The following NR4A1 variants were observed in gnomAD, a reference collection of about 807,000 sequenced individuals.
NR4A1 encodes nuclear receptor subfamily 4immunitygroup A member 1.
NR4A1 carries 24 observed loss-of-function variants against 47.5 expected under a neutral mutation model. The observed-to-expected ratio is 0.50, with a 90% CI of 0.37 to 0.71. The LOEUF is 0.71. Ranked by LOEUF, NR4A1 falls within the 30% of genes least tolerant of loss-of-function variation. The pLI is 0.00. For missense variants in NR4A1, 669 were observed against 788.6 expected (o/e 0.85, Z 1.82); for synonymous variants, 353 against 345.7 (o/e 1.02, Z -0.24).
At chr12:52,025,827 C>T (rs1937989114) in intron 1 of NR4A1, among the ~76,000 whole-genome samples, 1 of 152,182 alleles carries the variant, frequency 6.6e-6, no homozygotes, top group African/African-American at 2.4e-5. Context: ...CCTCCTGTTA[C>T]CAGCAGAGGG....
At chr12:52,058,013 G>A (rs538973728) in intron 6 of NR4A1, among the ~76,000 whole-genome samples, 1 of 152,068 alleles carries the variant, frequency 6.6e-6, no homozygotes, top group East Asian at 1.9e-4. Flanking sequence ...AAATAAGATG[G>A]GAATCTCACT....
upstream of NR4A1, among the ~76,000 whole-genome samples, chr12:52,049,227 C>T (rs1019598705): frequency 6.6e-6 from 1 of 152,166 alleles, no homozygotes; most frequent in African/African-American, 2.4e-5. Flanking sequence ...TACTAAAAGT[C>T]GGCCCTCTGT....
chr12:52,056,335 G>T, intron 3 of NR4A1, 159 bp from the exon 4 acceptor site: 1 of 1,355,482 alleles, frequency 7.4e-7, no homozygotes, highest in Non-Finnish European at 1.0e-6. Context: ...GATTGTGAGG[G>T]TGGTGGCAGG....
chr12:52,052,594 C>G, intron 1 of NR4A1: 1 of 985,756 alleles, frequency 1.0e-6, no homozygotes. Context: ...CTCCTTCAAC[C>G]CCGCCTCTTC....
At chr12:52,057,029 T>C in intron 4 of NR4A1, 28 bp from the exon 5 acceptor site, 3 of 1,558,896 alleles carry the variant, frequency 1.9e-6, no homozygotes, top group Non-Finnish European at 2.6e-6. Flanking sequence ...CTGCCTGGGG[T>C]GCTGACCCCA....
At chr12:52,026,450 T>G (rs1209449181) in intron 1 of NR4A1, among the ~76,000 whole-genome samples, 1 of 152,170 alleles carries the variant, frequency 6.6e-6, no homozygotes, top group African/African-American at 2.4e-5. Flanking sequence ...AGCCAACACT[T>G]ACATGGTGCT....
chr12:52,034,024 C>A (rs992214658), intron 1 of NR4A1, among the ~76,000 whole-genome samples: 6 of 152,186 alleles, frequency 3.9e-5, no homozygotes, highest in Non-Finnish European at 1.5e-5. Flanking sequence ...TGGAAGGGCA[C>A]CTGGGGAGGG....
chr12:52,030,387 G>A (rs772914290), intron 1 of NR4A1, among the ~76,000 whole-genome samples: 1 of 152,158 alleles, frequency 6.6e-6, no homozygotes. Flanking sequence ...CTTCTCAGCT[G>A]TGTGACACTG....
intron 2 of NR4A1, 170 bp from the exon 3 acceptor site, chr12:52,055,860 C>CA (rs371908714): frequency 0.031 from 13,997 of 449,588 alleles, 401 homozygotes; most frequent in African/African-American, 0.042. Context: ...TCTCTCCCCC[C>CA]GCCCAACCCC....
At chr12:52,026,276 G>A (rs998536672) in intron 1 of NR4A1, among the ~76,000 whole-genome samples, 9 of 152,208 alleles carry the variant, frequency 5.9e-5, no homozygotes, top group African/African-American at 1.4e-4. Context: ...GACAACAAAC[G>A]AGGGGAGAAG....
At chr12:52,051,347 T>C, upstream of NR4A1, 2 of 981,018 alleles carry the variant, frequency 2.0e-6, no homozygotes, top group Non-Finnish European at 2.4e-6. Context: ...CGCCCTTGTA[T>C]GGCCAAAGCT....
At chr12:52,036,631 C>T (rs1314941663) in intron 1 of NR4A1, among the ~76,000 whole-genome samples, 2 of 152,240 alleles carry the variant, frequency 1.3e-5, no homozygotes, top group Non-Finnish European at 2.9e-5. Flanking sequence ...CGGGAAGTGC[C>T]CTCTTCAGGA....
intron 2 of NR4A1, chr12:52,043,535 GCCTGGGCACGGGC>G: frequency 2.5e-6 from 1 of 400,100 alleles, no homozygotes; most frequent in East Asian, 8.6e-5. Context: ...TGTCTGCCAG[GCCTGGGCACGGGC>G]CCAGGGTCAC....
At chr12:52,052,558 G>T in intron 1 of NR4A1, 1 of 985,504 alleles carries the variant, frequency 1.0e-6, no homozygotes, top group Non-Finnish European at 1.2e-6. Context: ...GCCAAGACCT[G>T]CCTGAAGCCG....
chr12:52,059,394 A>G lies in NR4A1; in HGVS notation c.*450A>G. 6.3e-6 allele frequency: 1 copy of G among 158,982 alleles called. No individual in the cohort carries two copies. The highest frequency in any genetic ancestry group is 1.4e-5 in the Non-Finnish European group (1 of 72,874). The allele number at this position is 158,982 out of a possible 1,614,324, so 9.8% of individuals were successfully genotyped here. A position where few individuals can be genotyped will look rare whatever the true frequency, so the allele number is the denominator to read the frequency against. On this transcript the variant is annotated 3_prime_UTR_variant, in exon 7 of 7. Transcript: ENST00000394825. The stretch of plus-strand genomic sequence containing the variant: ...AAACTGTCACTCTAGGAAGAAGACA[A>G]ATGACAGATTCTGACATTTATATTT...
chr12:52,058,552 A>ATTT (rs1378611487), intron 6 of NR4A1, 136 bp from the exon 7 acceptor site: 2 of 1,156,738 alleles, frequency 1.7e-6, no homozygotes, highest in African/African-American at 1.6e-5. Context: ...AATGGCCAAC[A>ATTT]TGTGAATGCG....
At position 52,057,372 on chromosome 12, in the gene NR4A1, A is replaced by G. The variant is rs774104223; in HGVS notation, c.1382A>G (p.Lys461Arg). Residue 461 changes from lysine to arginine, a missense_variant, in exon 6 of 7, where the codon AAG (lysine) becomes AGG (arginine). Coordinates refer to ENST00000394825, the MANE Select transcript of NR4A1 (RefSeq NM_173157.3). Reference protein sequence around the residue: ...LAYRSKPGEGKLIFCSGLVLH... With the variant: ...LAYRSKPGEGRLIFCSGLVLH... Reference sequence around the variant, plus strand: ...GCCAGGTCTAAGCCAGGCGAGGGCAAGCTCATCTTCTGCTCAGGCCTGGTG... The same window carrying G: ...GCCAGGTCTAAGCCAGGCGAGGGCAGGCTCATCTTCTGCTCAGGCCTGGTG... 3 of 1,614,074 alleles carry G rather than the reference A, an allele frequency of 1.9e-6. No individual in the cohort carries two copies. Among genetic ancestry groups the G allele is most frequent in the Non-Finnish European group, 2.5e-6 (3 of 1,180,044 alleles).
chr12:52,047,454 T>C (rs191450127), upstream of NR4A1, among the ~76,000 whole-genome samples: 208 of 152,366 alleles, frequency 1.4e-3, 2 homozygotes, highest in African/African-American at 4.9e-3. Flanking sequence ...GAACCTGCAT[T>C]GGTGGCCCCA....
intron 2 of NR4A1, chr12:52,043,681 G>A: frequency 8.2e-7 from 1 of 1,214,334 alleles, no homozygotes; most frequent in South Asian, 1.5e-5. Flanking sequence ...TCTGGTTTCT[G>A]CTATATAAAC....
Sources: gnomAD v4.1 joint callset for allele counts (sites outside exome capture counted in the v4.1 genomes callset) on GRCh38, gnomAD v4.1.1 for gene constraint, MANE v1.5 for transcripts, NCBI Gene and HGNC (gene_info 2026-07-23, HGNC 2026-07-21) for gene names.